JAKMIP1: variants seen among roughly 807,000 people sequenced by gnomAD.
The protein encoded by JAKMIP1 is janus kinase and microtubule interacting protein 1.
A neutral mutation model predicts 113.0 loss-of-function variants in JAKMIP1; 33 were observed. The observed-to-expected ratio is 0.29, with a 90% CI of 0.22 to 0.39. JAKMIP1 has a LOEUF of 0.39. Among genes scored for constraint, JAKMIP1 ranks in the 10% least tolerant of loss-of-function variants. The probability of loss-of-function intolerance (pLI) is 1.00; values close to 1 mark genes in which losing one functional copy is unlikely to be tolerated. For missense variants in JAKMIP1, 813 were observed against 1,080.5 expected, an observed-to-expected ratio of 0.75 and a Z score of 3.47; for synonymous variants, 480 against 459.9, an observed-to-expected ratio of 1.04 and a Z score of -0.56.
At chr4:6,090,115 G>C (rs1314639247) in intron 3 of JAKMIP1, among the ~76,000 whole-genome samples, 1 of 152,112 alleles carries the variant, frequency 6.6e-6, no homozygotes, top group African/African-American at 2.4e-5. Context: ...CCAGCTATTA[G>C]GGAGGCTGAG....
At chr4:6,060,338 C>T (rs1214567939) in intron 11 of JAKMIP1, 86 bp downstream of exon 11, 8 of 992,162 alleles carry the variant, frequency 8.1e-6, no homozygotes, top group East Asian at 4.8e-5. Context: ...ACAGAATGTC[C>T]CCCTTGGCAC....
At chr4:6,098,732 AAG>A (rs1474783408) in intron 3 of JAKMIP1, among the ~76,000 whole-genome samples, 2 of 6,938 alleles carry the variant, frequency 2.9e-4, no homozygotes, top group African/African-American at 6.0e-4. Context: ...AAAAGAAAGA[AAG>A]AGAAGGAAGG....
intron 5 of JAKMIP1, among the ~76,000 whole-genome samples, chr4:6,082,970 A>G (rs1017466895): frequency 6.6e-6 from 1 of 152,218 alleles, no homozygotes; most frequent in Non-Finnish European, 1.5e-5. Context: ...AGCAAGTTGC[A>G]GAACAATACA....
chr4:6,191,491 G>A (rs1029026850), intron 1 of JAKMIP1, among the ~76,000 whole-genome samples: 5 of 152,240 alleles, frequency 3.3e-5, no homozygotes, highest in South Asian at 2.1e-4. Flanking sequence ...CCAGATCCTC[G>A]CAGCGCACAA....
intron 3 of JAKMIP1, among the ~76,000 whole-genome samples, chr4:6,103,781 T>C (rs1713464213): frequency 6.6e-6 from 1 of 152,234 alleles, no homozygotes; most frequent in Non-Finnish European, 1.5e-5. Flanking sequence ...TCAAGTTTAT[T>C]GGTATATGCT....
chr4:6,112,973 G>C lies in JAKMIP1; in HGVS notation c.-123C>G, dbSNP rs527322111. The C allele has an allele frequency of 5.2e-6, 7 of 1,344,066 alleles. No individual in the cohort carries two copies. Among genetic ancestry groups the C allele is most frequent in the Non-Finnish European group, 6.9e-6 (7 of 1,014,672 alleles). 83.3% of individuals were successfully genotyped at this position (1,344,066 alleles called of 1,614,324 possible). On this transcript the variant is annotated 5_prime_UTR_variant, in exon 2 of 21. Coordinates refer to ENST00000409021, the MANE Select transcript of JAKMIP1 (RefSeq NM_001099433.2). Reference sequence around the variant, plus strand: ...TCGCGCAGGACTCAGCTCGCCCTCCGAGGAAACCACCATCACTTGGGATCC... The same window carrying C: ...TCGCGCAGGACTCAGCTCGCCCTCCCAGGAAACCACCATCACTTGGGATCC...
In JAKMIP1 at chr4:6,059,952, G is replaced by T. The variant is rs1717029318; in HGVS notation, c.1644+472C>A. Among the ~76,000 whole-genome samples, 2 of 152,148 alleles carry T rather than the reference G, an allele frequency of 1.3e-5. No individual in the cohort carries two copies. The highest frequency in any genetic ancestry group is 4.8e-5 in the African/African-American group (2 of 41,426). On this transcript the variant is annotated intron_variant, in intron 11 of 20. Coordinates refer to ENST00000409021, the MANE Select transcript of JAKMIP1 (RefSeq NM_001099433.2). The surrounding 1 kb of genome is among the most constrained non-coding windows in gnomAD (Gnocchi z 4.8). ...CAGCCTTGCCTAATCAAATGCAGTGGATGGGTAGGTGCAGTTGACTCTAAC... is the reference window on the plus strand; with the variant it reads ...CAGCCTTGCCTAATCAAATGCAGTGTATGGGTAGGTGCAGTTGACTCTAAC...
Position 6,042,701 on chromosome 4 carries a change from A to G in JAKMIP1, c.2029-474T>C, listed in dbSNP as rs573501324. ...TTGTCCAAGGTCACACGGGTGCAGA[A>G]TGGAGATTTGGAACCCAGCCTGCAG... On this transcript the variant is annotated intron_variant, in intron 16 of 20. Coordinates refer to ENST00000409021, the MANE Select transcript of JAKMIP1 (RefSeq NM_001099433.2). This position sits in a 1 kb window ranked among gnomAD's most constrained non-coding sequence, Gnocchi z 5.2. Among the ~76,000 whole-genome samples the G allele has an allele frequency of 1.3e-5, 2 of 152,122 alleles. No homozygotes were observed. Among genetic ancestry groups the G allele is most frequent in the East Asian group, 3.9e-4 (2 of 5,136 alleles).
At position 6,097,147 on chromosome 4, in the gene JAKMIP1, G is replaced by A. The variant is rs1181255346; in HGVS notation, c.624+8326C>T. Among the ~76,000 whole-genome samples, 1 of 152,066 alleles carries A rather than the reference G, an allele frequency of 6.6e-6. No homozygotes were observed. Among genetic ancestry groups the A allele is most frequent in the Non-Finnish European group, 1.5e-5 (1 of 68,026 alleles). On this transcript the variant is annotated intron_variant, in intron 3 of 20. Coordinates refer to ENST00000409021, the MANE Select transcript of JAKMIP1 (RefSeq NM_001099433.2). This position sits in a 1 kb window ranked among gnomAD's most constrained non-coding sequence, Gnocchi z 4.3. ...CTCCTGAGTAGCTGGGACTACAGGG[G>A]TATGCCACCATGTCCGGCTAATTTT...
In JAKMIP1 at chr4:6,186,245, A is replaced by G. The variant is rs1039961163; in HGVS notation, c.-148+14008T>C. ...TGGGCAGGATGCAGACTGAGGAGGC[A>G]CAGCAGGGTGGGGAAGTCCAAGGAA... On this transcript the variant is annotated intron_variant, in intron 1 of 20. Coordinates refer to ENST00000409021, the MANE Select transcript of JAKMIP1 (RefSeq NM_001099433.2). This position sits in a 1 kb window ranked among gnomAD's most constrained non-coding sequence, Gnocchi z 5.5. Among the ~76,000 whole-genome samples, 42 of 152,206 alleles carry G rather than the reference A, an allele frequency of 2.8e-4. No homozygotes were observed. Among genetic ancestry groups the G allele is most frequent in the Non-Finnish European group, 1.5e-5 (1 of 68,034 alleles).
chr4:6,130,497 A>T (rs1480879904), intron 1 of JAKMIP1, among the ~76,000 whole-genome samples: 1 of 152,198 alleles, frequency 6.6e-6, no homozygotes, highest in Non-Finnish European at 1.5e-5. Context: ...GGCTCTCAAC[A>T]AAAAACATTC....
In JAKMIP1 at chr4:6,187,420, A is replaced by C. The variant is rs1012381255; in HGVS notation, c.-148+12833T>G. 6.6e-6 allele frequency among the ~76,000 whole-genome samples: 1 copy of C among 152,180 alleles called. No individual in the cohort carries two copies. The highest frequency in any genetic ancestry group is 2.1e-4 in the South Asian group (1 of 4,828). Reference sequence around the variant, plus strand: ...CTCCTATAGACAGTGCTATGATCTGAATGTTTATGTACCCCCAGAATTCAT... The same window carrying C: ...CTCCTATAGACAGTGCTATGATCTGCATGTTTATGTACCCCCAGAATTCAT... On this transcript the variant is annotated intron_variant, in intron 1 of 20. Transcript: ENST00000409021. The surrounding 1 kb of genome is among the most constrained non-coding windows in gnomAD (Gnocchi z 4.2).
At chr4:6,083,417 A>G (rs1347866725) in intron 5 of JAKMIP1, among the ~76,000 whole-genome samples, 1 of 151,988 alleles carries the variant, frequency 6.6e-6, no homozygotes, top group Non-Finnish European at 1.5e-5. Flanking sequence ...AAAAAAAAAA[A>G]AGATTGAAGC....
chr4:6,050,775 T>C lies in JAKMIP1; in HGVS notation c.1807-96A>G. The stretch of plus-strand genomic sequence containing the variant: ...CTCAGCAAAAACCAAGGAATTCCAG[T>C]GGGCACAGACGTTACTAAAAAGCAC... On this transcript the variant is annotated intron_variant, in intron 13 of 20. Transcript: ENST00000409021. The surrounding 1 kb of genome is among the most constrained non-coding windows in gnomAD (Gnocchi z 7.4). The C allele has an allele frequency of 5.1e-6, 5 of 975,162 alleles. No individual in the cohort carries two copies. The highest frequency in any genetic ancestry group is 7.9e-6 in the Non-Finnish European group (5 of 632,218). The allele number at this position is 975,162 out of a possible 1,614,324, so 60.4% of individuals were successfully genotyped here.
At chr4:6,103,474 T>G (rs1238152475) in intron 3 of JAKMIP1, among the ~76,000 whole-genome samples, 1 of 152,256 alleles carries the variant, frequency 6.6e-6, no homozygotes, top group African/African-American at 2.4e-5. Context: ...TTTCTTATCC[T>G]GTAATGTTAT....
chr4:6,153,521 G>A lies in JAKMIP1; in HGVS notation c.-147-40524C>T, dbSNP rs1227412232. Among the ~76,000 whole-genome samples the A allele has an allele frequency of 6.6e-6, 1 of 152,192 alleles. No homozygotes were observed. Among genetic ancestry groups the A allele is most frequent in the African/African-American group, 2.4e-5 (1 of 41,440 alleles). ...CTGTGACTTCTGCATAAAATGCATGGTTCTTCTTTTCTTAAAATTAGCTTT... is the reference window on the plus strand; with the variant it reads ...CTGTGACTTCTGCATAAAATGCATGATTCTTCTTTTCTTAAAATTAGCTTT... On this transcript the variant is annotated intron_variant, in intron 1 of 20. Transcript: ENST00000409021. The surrounding 1 kb of genome is among the most constrained non-coding windows in gnomAD (Gnocchi z 4.9).
chr4:6,172,898 A>ACTAC (rs1724907772), intron 1 of JAKMIP1, among the ~76,000 whole-genome samples: 1 of 152,154 alleles, frequency 6.6e-6, no homozygotes, highest in African/African-American at 2.4e-5. Flanking sequence ...CCGCTCTCAC[A>ACTAC]CTACCCAAGA....
chr4:6,112,215 C>T (rs994014773), intron 2 of JAKMIP1, among the ~76,000 whole-genome samples: 3 of 152,150 alleles, frequency 2.0e-5, no homozygotes, highest in Admixed American at 1.3e-4. Context: ...AACAAATAGC[C>T]GAAGCTCAGC....
intron 8 of JAKMIP1, chr4:6,070,257 A>G: frequency 2.5e-6 from 1 of 395,850 alleles, no homozygotes; most frequent in Non-Finnish European, 4.5e-6. Flanking sequence ...CTCCAGTCCA[A>G]GGAAAAAGCA....
Sources: gnomAD v4.1 joint callset for allele counts (sites outside exome capture counted in the v4.1 genomes callset) on GRCh38, gnomAD v4.1.1 for gene constraint, Gnocchi (gnomAD v3.1) non-coding constraint, MANE v1.5 for transcripts, NCBI Gene and HGNC (gene_info 2026-07-23, HGNC 2026-07-21) for gene names.